The following SGCD variants were observed in gnomAD, a reference collection of about 807,000 sequenced individuals.
SGCD encodes sarcoglycan delta.
In SGCD, 18 loss-of-function variants were observed where a neutral mutation model predicts 36.6. That is an observed-to-expected ratio of 0.49 (90% CI 0.34 to 0.73). The LOEUF is 0.73. Ranked by LOEUF, SGCD falls within the 30% of genes least tolerant of loss-of-function variation. The pLI is 0.01. For synonymous variants in SGCD, 133 were observed against 130.6 expected, an observed-to-expected ratio of 1.02 and a Z score of -0.12; for missense variants, 387 against 346.7, an observed-to-expected ratio of 1.12 and a Z score of -0.92.
chr5:156,343,356 TG>T lies in SGCD; in HGVS notation c.4-1128del, dbSNP rs1351700518. On this transcript the variant is annotated intron_variant, in intron 2 of 8. Coordinates refer to ENST00000337851, the MANE Select transcript of SGCD (RefSeq NM_000337.6). ...CCATTATCTGAATGGAGATAGGCAG[TG>T]GGGGTCCTGTTATCACATGGCTTAT... is the stretch of plus-strand genomic sequence containing the variant. Among the ~76,000 whole-genome samples the T allele has an allele frequency of 2.6e-5, 4 of 152,252 alleles. No homozygotes were observed. In the East Asian group the frequency reaches 7.7e-4, roughly 29 times the overall value.
chr5:156,344,769 A>G, intron 3 of SGCD, 92 bp downstream of exon 3: 1 of 918,924 alleles, frequency 1.1e-6, no homozygotes, highest in East Asian at 2.6e-5. Flanking sequence ...TGATATTATT[A>G]CAGTAGGACT....
At chr5:155,776,817 T>C in the SGCD span, among the ~76,000 whole-genome samples, 1 of 152,178 alleles carries the variant, frequency 6.6e-6, no homozygotes, top group Non-Finnish European at 1.5e-5. Flanking sequence ...ACAGAGTTAG[T>C]ATAGTCAGTT....
At chr5:156,087,878 A>G (rs763664675) in intron 1 of SGCD, among the ~76,000 whole-genome samples, 1 of 152,150 alleles carries the variant, frequency 6.6e-6, no homozygotes, top group African/African-American at 2.4e-5. Context: ...CATGTGAGGA[A>G]GATTAGCGTG....
chr5:156,715,126 T>G, intron 7 of SGCD, among the ~76,000 whole-genome samples: 1 of 152,350 alleles, frequency 6.6e-6, no homozygotes, highest in Admixed American at 6.5e-5. Flanking sequence ...TTCTTTCTAA[T>G]GTTTCTGGTC....
At chr5:156,363,461 G>A (rs72798928) in intron 3 of SGCD, among the ~76,000 whole-genome samples, 14,001 of 152,164 alleles carry the variant, frequency 0.092, 726 homozygotes, top group South Asian at 0.19. Flanking sequence ...GCTCTCCTAA[G>A]TTTATTTCTT....
intron 3 of SGCD, among the ~76,000 whole-genome samples, chr5:156,358,184 A>G (rs1344369992): frequency 6.6e-6 from 1 of 152,246 alleles, no homozygotes; most frequent in Non-Finnish European, 1.5e-5. Context: ...GAGGAAAAGT[A>G]TCATTTGGGT....
chr5:155,806,210 A>G, the SGCD span, among the ~76,000 whole-genome samples: 1 of 152,180 alleles, frequency 6.6e-6, no homozygotes, highest in Admixed American at 6.5e-5. Flanking sequence ...GTTGGAGTGC[A>G]GTGGCACGAT....
chr5:155,941,112 GA>G (rs967541648), intron 1 of SGCD, among the ~76,000 whole-genome samples: 20 of 152,120 alleles, frequency 1.3e-4, no homozygotes, highest in Non-Finnish European at 2.9e-4. Flanking sequence ...AAGGGCAAAA[GA>G]GTACCAGAAA....
At chr5:155,900,342 C>A (rs1434852088) in intron 1 of SGCD, among the ~76,000 whole-genome samples, 4 of 151,976 alleles carry the variant, frequency 2.6e-5, no homozygotes, top group African/African-American at 9.7e-5. Flanking sequence ...AAAAACAACA[C>A]AAATTAAAAA....
intron 3 of SGCD, among the ~76,000 whole-genome samples, chr5:156,461,278 GAT>G (rs1159172930): frequency 1.3e-5 from 2 of 152,090 alleles, no homozygotes; most frequent in Non-Finnish European, 2.9e-5. Flanking sequence ...GTTTATAAAA[GAT>G]ATATAATTAG....
intron 7 of SGCD, among the ~76,000 whole-genome samples, chr5:156,655,290 T>A (rs1182281546): frequency 6.6e-6 from 1 of 152,184 alleles, no homozygotes; most frequent in Non-Finnish European, 1.5e-5. Context: ...CTCAAACCTC[T>A]GTCTTGGCTG....
chr5:156,492,050 A>T (rs1755970191), intron 3 of SGCD, among the ~76,000 whole-genome samples: 2 of 152,140 alleles, frequency 1.3e-5, no homozygotes, highest in Admixed American at 1.3e-4. Context: ...GCCTAAAAAA[A>T]GTCTTATGTC....
At chr5:155,784,713 A>G in the SGCD span, among the ~76,000 whole-genome samples, 4 of 149,442 alleles carry the variant, frequency 2.7e-5, no homozygotes, top group South Asian at 2.1e-4. Context: ...CACAAAGAGT[A>G]TATGTTAAAA....
At chr5:155,786,263 G>T in the SGCD span, among the ~76,000 whole-genome samples, 1 of 152,188 alleles carries the variant, frequency 6.6e-6, no homozygotes, top group Admixed American at 6.5e-5. Context: ...TGTTGTGTTA[G>T]CCATGGCTAG....
chr5:156,471,041 G>A (rs919490594), intron 3 of SGCD, among the ~76,000 whole-genome samples: 2 of 152,090 alleles, frequency 1.3e-5, no homozygotes, highest in African/African-American at 4.8e-5. Flanking sequence ...TAACTAGGCA[G>A]CATTAGCTGG....
chr5:156,449,303 A>G (rs553118399), intron 3 of SGCD, among the ~76,000 whole-genome samples: 6 of 152,202 alleles, frequency 3.9e-5, no homozygotes, highest in African/African-American at 1.4e-4. Context: ...TATTTGTCAA[A>G]TTATTTGGAT....
chr5:156,503,872 T>A (rs796942729), intron 3 of SGCD, among the ~76,000 whole-genome samples: 11 of 152,282 alleles, frequency 7.2e-5, no homozygotes, highest in African/African-American at 2.6e-4. Flanking sequence ...AGAGTTTTTT[T>A]TTAATTACTA....
At chr5:156,650,679 A>G (rs981543235) in intron 7 of SGCD, among the ~76,000 whole-genome samples, 8 of 152,050 alleles carry the variant, frequency 5.3e-5, no homozygotes, top group South Asian at 2.1e-4. Context: ...TTAGTTTTTT[A>G]TGGCTTTGTA....
chr5:156,299,538 A>G (rs1283896342), intron 3 of SGCD, among the ~76,000 whole-genome samples: 3 of 152,142 alleles, frequency 2.0e-5, no homozygotes, highest in African/African-American at 7.2e-5. Flanking sequence ...TGGACATTTT[A>G]ACGATATTGA....
Sources: gnomAD v4.1 joint callset for allele counts (sites outside exome capture counted in the v4.1 genomes callset) on GRCh38, gnomAD v4.1.1 for gene constraint, MANE v1.5 for transcripts, NCBI Gene and HGNC (gene_info 2026-07-23, HGNC 2026-07-21) for gene names.